DBF4: variants seen among roughly 807,000 people sequenced by gnomAD.
DBF4 encodes the protein protein DBF4 homolog A.
Under a neutral mutation model 76.6 loss-of-function variants are expected in DBF4, and 25 were observed. The observed-to-expected ratio is 0.33, with a 90% CI of 0.24 to 0.46. The LOEUF (loss-of-function observed/expected upper bound fraction) is 0.46. DBF4 is among the 20% of genes least tolerant of loss of function. The pLI is 1.00. For synonymous variants in DBF4, 213 were observed against 258.0 expected (o/e 0.83, Z 1.67); for missense variants, 638 against 760.8 (o/e 0.84, Z 1.90).
intron 2 of DBF4, among the ~76,000 whole-genome samples, chr7:87,884,436 A>G (rs1839293960): frequency 6.6e-6 from 1 of 152,136 alleles, no homozygotes; most frequent in Non-Finnish European, 1.5e-5. Flanking sequence ...TGTATTGGAC[A>G]CTGCTGCTTT....
Position 87,900,390 on chromosome 7 carries a change from T to A in DBF4, c.809+41T>A, listed in dbSNP as rs989920613. The A allele has an allele frequency of 7.1e-6, 11 of 1,554,098 alleles. No individual in the cohort carries two copies. In the Admixed American group the frequency reaches 2.4e-4, roughly 35 times the overall value. On this transcript the variant is annotated intron_variant, in intron 9 of 11. Coordinates refer to ENST00000265728, the MANE Select transcript of DBF4 (RefSeq NM_006716.4). Reference sequence around the variant, plus strand: ...TACTTTTAGAAGGAATATTCAGAATTTCATCTCAATTTTTCTTTGTAAAGA... The same window carrying A: ...TACTTTTAGAAGGAATATTCAGAATATCATCTCAATTTTTCTTTGTAAAGA...
intron 6 of DBF4, among the ~76,000 whole-genome samples, chr7:87,890,483 G>C (rs574319314): frequency 6.8e-4 from 104 of 152,238 alleles, no homozygotes; most frequent in Non-Finnish European, 1.2e-3. Context: ...AGTGAGCCGG[G>C]ATCACCCCCA....
intron 10 of DBF4, among the ~76,000 whole-genome samples, chr7:87,903,507 T>G (rs1434109288): frequency 6.6e-6 from 1 of 152,222 alleles, no homozygotes; most frequent in Admixed American, 6.5e-5. Context: ...TTTTTAGTAC[T>G]TCACAGCATT....
intron 6 of DBF4, 167 bp from the exon 7 acceptor site, chr7:87,896,307 G>A (rs1839637441): frequency 3.4e-6 from 2 of 585,766 alleles, no homozygotes; most frequent in South Asian, 2.1e-5. Flanking sequence ...CTTGCTGAGT[G>A]TATTGTAAAA....
intron 6 of DBF4, among the ~76,000 whole-genome samples, chr7:87,890,889 A>G (rs1203297097): frequency 2.0e-5 from 3 of 152,208 alleles, no homozygotes; most frequent in Non-Finnish European, 4.4e-5. Context: ...AAATATCTTG[A>G]TAGTCCAGAA....
intron 10 of DBF4, 24 bp downstream of exon 10, chr7:87,900,902 G>A (rs1449884953): frequency 6.3e-7 from 1 of 1,589,124 alleles, no homozygotes; most frequent in Admixed American, 1.7e-5. Context: ...TATATTTTGG[G>A]GGCTTGTTTC....
At chr7:87,895,254 T>G (rs1001245518) in intron 6 of DBF4, among the ~76,000 whole-genome samples, 3 of 152,222 alleles carry the variant, frequency 2.0e-5, no homozygotes, top group African/African-American at 7.2e-5. Context: ...TGCTGAGAAT[T>G]TGTCTCTTTC....
Position 87,900,679 on chromosome 7 carries a change from G to A in DBF4, c.810-85G>A, listed in dbSNP as rs1007991384. On this transcript the variant is annotated intron_variant, in intron 9 of 11. Transcript: ENST00000265728. ...CAAGTCTCTGCAAATTATGCAGATT[G>A]TGTGTGATAGTTTAGGACAATAAAT... 3.7e-6 allele frequency: 4 copies of A among 1,094,074 alleles called. No homozygotes were observed. The East Asian group carries it at 9.5e-5, about 26-fold the overall frequency. The allele number at this position is 1,094,074 out of a possible 1,614,324, so 67.8% of individuals were successfully genotyped here. A position where few individuals can be genotyped will look rare whatever the true frequency, so the allele number is the denominator to read the frequency against.
rs1184323427 is a variant in DBF4 at position 87,876,533 on chromosome 7, C to T, written c.-200C>T. On this transcript the variant is annotated 5_prime_UTR_variant, in exon 1 of 12. Transcript: ENST00000265728. ...GCAGCCCACTCGTTTGTGCTTTGCG[C>T]CTTCCTCCTCCGCGCCTTGGAGCCG... is the stretch of plus-strand genomic sequence containing the variant. The T allele has an allele frequency of 1.6e-6, 1 of 608,660 alleles. No individual in the cohort carries two copies. Among genetic ancestry groups the T allele is most frequent in the African/African-American group, 1.8e-5 (1 of 54,138 alleles). 37.7% of individuals were successfully genotyped at this position (608,660 alleles called of 1,614,324 possible).
intron 9 of DBF4, 95 bp downstream of exon 9, chr7:87,900,444 G>A: frequency 7.3e-7 from 1 of 1,361,778 alleles, no homozygotes; most frequent in Non-Finnish European, 1.0e-6. Flanking sequence ...ATGCCATAAT[G>A]GTTATTTGTG....
intron 10 of DBF4, 22 bp from the exon 11 acceptor site, chr7:87,904,270 C>G: frequency 6.4e-7 from 1 of 1,571,206 alleles, no homozygotes. Context: ...TTTTTTGATA[C>G]ATGTTTTTAA....
intron 10 of DBF4, among the ~76,000 whole-genome samples, chr7:87,903,606 A>G (rs1039211161): frequency 6.7e-6 from 1 of 150,182 alleles, no homozygotes; most frequent in African/African-American, 2.4e-5. Context: ...GCTCTGCCTT[A>G]TTTAGTGATA....
intron 8 of DBF4, among the ~76,000 whole-genome samples, chr7:87,899,019 T>C (rs533911116): frequency 2.0e-5 from 3 of 152,230 alleles, no homozygotes; most frequent in Admixed American, 6.5e-5. Flanking sequence ...TTTTTAACAG[T>C]GTTGAGAAAA....
chr7:87,906,330 T>TC (rs1188887735), intron 11 of DBF4, among the ~76,000 whole-genome samples: 1 of 151,836 alleles, frequency 6.6e-6, no homozygotes, highest in South Asian at 2.1e-4. Flanking sequence ...GTAGTTTTTT[T>TC]TTTTTTTTTT....
At chr7:87,896,917 C>T (rs1839654799) in intron 7 of DBF4, among the ~76,000 whole-genome samples, 1 of 152,272 alleles carries the variant, frequency 6.6e-6, no homozygotes, top group Non-Finnish European at 1.5e-5. Context: ...AAAATATGTG[C>T]AGTTTCTATT....
At chr7:87,885,896 G>C (rs1037798054) in intron 3 of DBF4, among the ~76,000 whole-genome samples, 2 of 152,182 alleles carry the variant, frequency 1.3e-5, no homozygotes, top group African/African-American at 4.8e-5. Flanking sequence ...ATTTAATTGG[G>C]TGTGAGGTGG....
At chr7:87,900,163 T>G (rs1367055399) in intron 8 of DBF4, 58 bp from the exon 9 acceptor site, 5 of 1,397,278 alleles carry the variant, frequency 3.6e-6, no homozygotes, top group Middle Eastern at 5.1e-4. Context: ...TACAAAACTT[T>G]AAACCTTTTT....
At chr7:87,880,635 G>A (rs1301277699) in intron 2 of DBF4, among the ~76,000 whole-genome samples, 12 of 151,434 alleles carry the variant, frequency 7.9e-5, no homozygotes, top group African/African-American at 2.9e-4. Context: ...CATTACTTTA[G>A]GTGCCTTTTT....
chr7:87,880,355 TAGG>T (rs1271113499), intron 2 of DBF4, among the ~76,000 whole-genome samples: 1 of 152,212 alleles, frequency 6.6e-6, no homozygotes, highest in African/African-American at 2.4e-5. Context: ...CCAGTGAAGT[TAGG>T]AGCATATTAA....
Sources: gnomAD v4.1 joint callset for allele counts (sites outside exome capture counted in the v4.1 genomes callset) on GRCh38, gnomAD v4.1.1 for gene constraint, MANE v1.5 for transcripts, NCBI Gene and HGNC (gene_info 2026-07-23, HGNC 2026-07-21) for gene names.